Variants in POLA1 observed in about 807,000 individuals in gnomAD.
POLA1 encodes the protein DNA polymerase alpha catalytic subunit.
In POLA1, 15 loss-of-function variants were observed where a neutral mutation model predicts 124.0. The ratio of observed to expected loss-of-function variants is 0.12; its 90% CI spans 0.08 to 0.19. The LOEUF is 0.19. POLA1 is among the 10% of genes least tolerant of loss of function. The pLI is 1.00. For synonymous variants in POLA1, 408 were observed against 389.4 expected (o/e 1.05, Z -0.56); for missense variants, 886 against 1,103.4 (o/e 0.80, Z 2.79).
intron 36 of POLA1, among the ~76,000 whole-genome samples, chrX:24,995,451 C>T (rs888267699): frequency 8.9e-5 from 10 of 111,863 alleles, no homozygotes; most frequent in African/African-American, 2.9e-4. Context: ...GTCCAGACTT[C>T]GCAAGCAGTT....
chrX:24,824,304 T>A (rs1221638824), intron 31 of POLA1, among the ~76,000 whole-genome samples: 2 of 110,101 alleles, frequency 1.8e-5, no homozygotes, highest in African/African-American at 3.3e-5. Flanking sequence ...TATTTTTTTT[T>A]AATTTTGAGA....
At chrX:24,700,653 C>T (rs767697354) in intron 2 of POLA1, among the ~76,000 whole-genome samples, 2 of 111,573 alleles carry the variant, frequency 1.8e-5, no homozygotes, top group East Asian at 2.8e-4. Context: ...GGATTACAGG[C>T]GCCCACCACC....
chrX:24,768,660 A>G (rs1339807365), intron 26 of POLA1, among the ~76,000 whole-genome samples: 5 of 112,134 alleles, frequency 4.5e-5, no homozygotes, highest in African/African-American at 6.5e-5. Context: ...AAAATAGCCT[A>G]TTTTTAGGCT....
intron 15 of POLA1, among the ~76,000 whole-genome samples, chrX:24,730,835 G>C (rs1305670048): frequency 8.9e-6 from 1 of 112,242 alleles, no homozygotes; most frequent in Non-Finnish European, 1.9e-5. Context: ...TCTGAAGGAA[G>C]CTGGGGAACC....
rs1418257140 is a variant in POLA1 at position 24,745,504 on chromosome X, G to T, written c.2653G>T (p.Val885Leu). Residue 885 changes from valine to leucine, a missense_variant, in exon 24 of 37, where the codon GTA (valine) becomes TTA (leucine). Coordinates refer to ENST00000379068, the MANE Select transcript of POLA1 (RefSeq NM_001330360.2). ...GGAATTTAACATTTGTTTTACAACA[G>T]TACAAAGAGTTGCTTCAGAGGCACA... Reference protein sequence around the residue: ...IQEFNICFTTVQRVASEAQKV... With the variant: ...IQEFNICFTTLQRVASEAQKV... 6 of 1,159,127 alleles carry T rather than the reference G, an allele frequency of 5.2e-6. No individual in the cohort carries two copies. Among genetic ancestry groups the T allele is most frequent in the Non-Finnish European group, 5.9e-6 (5 of 851,163 alleles).
intron 28 of POLA1, among the ~76,000 whole-genome samples, chrX:24,811,625 G>C (rs1161905650): frequency 1.0e-5 from 1 of 99,513 alleles, no homozygotes; most frequent in Admixed American, 1.2e-4. Context: ...TGTTTGTTTC[G>C]AGGGTGAAAT....
chrX:24,807,942 A>C (rs1247630750), intron 26 of POLA1, among the ~76,000 whole-genome samples: 1 of 111,931 alleles, frequency 8.9e-6, no homozygotes, highest in African/African-American at 3.3e-5. Context: ...AGACTGGGAG[A>C]TTTATTCTGT....
chrX:24,699,566 C>A lies in POLA1; in HGVS notation c.168+17C>A. On this transcript the variant is annotated intron_variant, in intron 2 of 36. Coordinates refer to ENST00000379068, the MANE Select transcript of POLA1 (RefSeq NM_001330360.2). ...AAATATGAAGTAAGTAACCATTTTT[C>A]TTCTTTATTCTTCCTGTGCATCATC... is the stretch of plus-strand genomic sequence containing the variant. 1 of 1,111,319 alleles carries A rather than the reference C, an allele frequency of 9.0e-7. No individual in the cohort carries two copies. The highest frequency in any genetic ancestry group is 1.2e-6 in the Non-Finnish European group (1 of 833,145). The allele number at this position is 1,111,319 out of a possible 1,213,427, so 91.6% of individuals were successfully genotyped here. A position where few individuals can be genotyped will look rare whatever the true frequency, so the allele number is the denominator to read the frequency against.
intron 15 of POLA1, among the ~76,000 whole-genome samples, chrX:24,728,163 TAGG>T (rs1297342742): frequency 8.9e-6 from 1 of 112,534 alleles, no homozygotes; most frequent in Non-Finnish European, 1.9e-5. Flanking sequence ...ATTTTTTACT[TAGG>T]AGAGCTTCAA....
At chrX:24,995,483 C>T (rs1279359770) in intron 36 of POLA1, among the ~76,000 whole-genome samples, 2 of 111,789 alleles carry the variant, frequency 1.8e-5, no homozygotes, top group Non-Finnish European at 1.9e-5. Context: ...CTCGCAGCGC[C>T]GGTGAAAGTG....
At chrX:24,863,191 G>A (rs73471542) in intron 34 of POLA1, among the ~76,000 whole-genome samples, 111 of 110,620 alleles carry the variant, frequency 1.0e-3, no homozygotes, top group African/African-American at 3.5e-3. Flanking sequence ...GAATTAAGGG[G>A]GGTAGCATAC....
At chrX:24,961,265 T>A (rs1323997732) in intron 36 of POLA1, among the ~76,000 whole-genome samples, 1 of 111,759 alleles carries the variant, frequency 8.9e-6, no homozygotes. Context: ...GTCCCTTTGG[T>A]GTCTAGCGCT....
At chrX:24,995,765 A>C in intron 36 of POLA1, 40 bp from the exon 37 acceptor site, 2 of 1,140,556 alleles carry the variant, frequency 1.8e-6, no homozygotes, top group Non-Finnish European at 2.4e-6. Context: ...TCTTTAAAGA[A>C]ACTACCTGAG....
chrX:24,941,820 G>A (rs1400453268), intron 36 of POLA1, among the ~76,000 whole-genome samples: 3 of 112,230 alleles, frequency 2.7e-5, no homozygotes, highest in Admixed American at 1.9e-4. Context: ...TCCTTGGCCT[G>A]TGAGCCCTGC....
chrX:24,774,306 C>G (rs1246463802), intron 26 of POLA1, among the ~76,000 whole-genome samples: 1 of 111,547 alleles, frequency 9.0e-6, no homozygotes, highest in Non-Finnish European at 1.9e-5. Context: ...GTGTCCCAGG[C>G]TGCTCCCTCC....
At chrX:24,830,562 T>C (rs1331393050) in intron 32 of POLA1, among the ~76,000 whole-genome samples, 1 of 112,191 alleles carries the variant, frequency 8.9e-6, no homozygotes, top group Non-Finnish European at 1.9e-5. Context: ...CATCTGTGAA[T>C]AGGAAAAAAT....
At chrX:24,972,086 A>G (rs976590059) in intron 36 of POLA1, among the ~76,000 whole-genome samples, 1 of 110,247 alleles carries the variant, frequency 9.1e-6, no homozygotes, top group Non-Finnish European at 1.9e-5. Flanking sequence ...CTCCTGCCTC[A>G]GCCTCCCAAG....
At chrX:24,704,530 A>G in intron 4 of POLA1, 61 bp downstream of exon 4, 1 of 759,836 alleles carries the variant, frequency 1.3e-6, no homozygotes, top group South Asian at 2.2e-5. Flanking sequence ...CTAAAATTAG[A>G]GATGACTTGA....
At chrX:24,936,675 G>C (rs890939201) in intron 36 of POLA1, among the ~76,000 whole-genome samples, 1 of 111,398 alleles carries the variant, frequency 9.0e-6, no homozygotes, top group African/African-American at 3.3e-5. Flanking sequence ...GGGACTACAG[G>C]CATCTGCCAC....
Sources: gnomAD v4.1 joint callset for allele counts (sites outside exome capture counted in the v4.1 genomes callset) on GRCh38, gnomAD v4.1.1 for gene constraint, MANE v1.5 for transcripts, NCBI Gene and HGNC (gene_info 2026-07-23, HGNC 2026-07-21) for gene names.